Variants in MOBP observed in about 807,000 individuals in gnomAD.
MOBP encodes the protein myelin associated oligodendrocyte basic protein, also known as myelin-associated oligodendrocyte basic protein.
Under a neutral mutation model 15.0 loss-of-function variants are expected in MOBP, and 5 were observed. The ratio of observed to expected loss-of-function variants is 0.33; its 90% CI spans 0.17 to 0.70. MOBP has a LOEUF of 0.70. Ranked by LOEUF, MOBP falls within the 30% of genes least tolerant of loss-of-function variation. MOBP has a pLI of 0.67. For missense variants in MOBP, 188 were observed against 257.8 expected (o/e 0.73, Z 1.85); for synonymous variants, 88 against 99.0 (o/e 0.89, Z 0.66).
Position 39,485,128 on chromosome 3 carries a change from T to C in MOBP, c.-5+5005T>C, listed in dbSNP as rs1360591281. ...ATAAATATGTGTATGAAATTTTCCA[T>C]TACCTGGCACTGGTTTGTCACCAAC... On this transcript the variant is annotated intron_variant, in intron 2 of 3. Transcript: ENST00000684792. Among the ~76,000 whole-genome samples the C allele has an allele frequency of 2.0e-5, 3 of 152,248 alleles. No individual in the cohort carries two copies. In the East Asian group the frequency reaches 5.8e-4, roughly 29 times the overall value.
chr3:39,523,934 C>T (rs1220680725), intron 3 of MOBP, among the ~76,000 whole-genome samples: 5 of 152,178 alleles, frequency 3.3e-5, no homozygotes, highest in Admixed American at 6.5e-5. Context: ...CGCAATTGTA[C>T]AAACCGAGGG....
downstream of MOBP, chr3:39,524,914 G>A (rs1352106876): frequency 6.6e-6 from 1 of 151,994 alleles, no homozygotes; most frequent in East Asian, 1.9e-4. Flanking sequence ...AAATTTAGAG[G>A]ACAAAATAAG....
intron 1 of MOBP, among the ~76,000 whole-genome samples, chr3:39,479,621 C>A (rs994686886): frequency 5.9e-5 from 9 of 151,946 alleles, no homozygotes; most frequent in African/African-American, 1.5e-4. Flanking sequence ...GGAGGATATT[C>A]CTTAGGCTCC....
downstream of MOBP, among the ~76,000 whole-genome samples, chr3:39,520,418 T>A (rs1052716783): frequency 6.6e-6 from 1 of 152,176 alleles, no homozygotes; most frequent in Non-Finnish European, 1.5e-5. Flanking sequence ...CTTGTGACAC[T>A]TTTCCTCTTC....
chr3:39,488,251 T>C (rs1424578184), intron 2 of MOBP, among the ~76,000 whole-genome samples: 2 of 152,224 alleles, frequency 1.3e-5, no homozygotes, highest in African/African-American at 4.8e-5. Context: ...CCTTTCTCTC[T>C]TGTGATTTCT....
At chr3:39,516,171 A>G (rs1559429628), downstream of MOBP, among the ~76,000 whole-genome samples, 1 of 152,216 alleles carries the variant, frequency 6.6e-6, no homozygotes. Flanking sequence ...TTGCAATTGT[A>G]GATGCAATTT....
intron 1 of MOBP, among the ~76,000 whole-genome samples, chr3:39,469,100 ATG>A (rs761443550): frequency 0.046 from 2,263 of 49,544 alleles, 592 homozygotes; most frequent in Non-Finnish European, 0.05. Context: ...ATATATACAT[ATG>A]TGTGTGTATA....
At position 39,513,515 on chromosome 3, in the gene MOBP, A is replaced by C. The variant is rs981129376; in HGVS notation, c.*132A>C. On this transcript the variant is annotated 3_prime_UTR_variant, in exon 5 of 5. Transcript: ENST00000311042. ...CCCTGGATGAAGTTATCTGGCTTCA[A>C]ATATTATGCAGGGGCAAACACCTGC... 6 of 1,309,368 alleles carry C rather than the reference A, an allele frequency of 4.6e-6. No homozygotes were observed. In the Admixed American group the frequency reaches 1.1e-4, roughly 24 times the overall value. The allele number at this position is 1,309,368 out of a possible 1,614,324, so 81.1% of individuals were successfully genotyped here.
chr3:39,486,966 G>T (rs1289295963), intron 2 of MOBP, among the ~76,000 whole-genome samples: 3 of 150,188 alleles, frequency 2.0e-5, no homozygotes, highest in African/African-American at 4.9e-5. Context: ...TTAGAGACAG[G>T]GTCTGGCTTT....
In MOBP at chr3:39,467,694, C is replaced by T. The variant is rs2042363580; in HGVS notation, c.-135C>T. ...GAAGTAGGCTCAAACCCTCAGGGAC[C>T]TGGTATAGACGCAGAATCTGTTTCA... is the stretch of plus-strand genomic sequence containing the variant. On this transcript the variant is annotated 5_prime_UTR_variant, in exon 1 of 4. Transcript: ENST00000684792. The T allele has an allele frequency of 6.6e-6, 1 of 152,174 alleles. No individual in the cohort carries two copies. Among genetic ancestry groups the T allele is most frequent in the African/African-American group, 2.4e-5 (1 of 41,426 alleles). The allele number at this position is 152,174 out of a possible 1,614,324, so 9.4% of individuals were successfully genotyped here. A position where few individuals can be genotyped will look rare whatever the true frequency, so the allele number is the denominator to read the frequency against.
chr3:39,523,182 A>C (rs1294706384), intron 3 of MOBP, among the ~76,000 whole-genome samples: 1 of 152,188 alleles, frequency 6.6e-6, no homozygotes, highest in African/African-American at 2.4e-5. Context: ...ACAATCAACT[A>C]ATCAAAAATC....
intron 4 of MOBP, among the ~76,000 whole-genome samples, chr3:39,512,599 A>C (rs2043134057): frequency 6.6e-6 from 1 of 152,250 alleles, no homozygotes; most frequent in South Asian, 2.1e-4. Flanking sequence ...ATATCTGAGT[A>C]TAAATTTTAT....
At chr3:39,479,380 AATCTT>A (rs2042592712) in intron 1 of MOBP, among the ~76,000 whole-genome samples, 1 of 150,526 alleles carries the variant, frequency 6.6e-6, no homozygotes, top group Non-Finnish European at 1.5e-5. Flanking sequence ...GAATCTTTAT[AATCTT>A]ATAAGACCTT....
intron 1 of MOBP, among the ~76,000 whole-genome samples, chr3:39,479,040 A>G (rs866069352): frequency 6.6e-6 from 1 of 151,954 alleles, no homozygotes; most frequent in South Asian, 2.1e-4. Context: ...ATCTTGGTCA[A>G]GCTGGTCTCG....
chr3:39,520,616 A>G (rs1237554283), downstream of MOBP, among the ~76,000 whole-genome samples: 1 of 151,968 alleles, frequency 6.6e-6, no homozygotes, highest in Non-Finnish European at 1.5e-5. Flanking sequence ...GAGAAGAGAG[A>G]GACAGAGGAA....
intron 4 of MOBP, among the ~76,000 whole-genome samples, chr3:39,511,336 A>T (rs762302975): frequency 3.3e-5 from 5 of 152,206 alleles, no homozygotes; most frequent in Non-Finnish European, 7.3e-5. Context: ...ATGGCCCTGA[A>T]TTATCTGTTT....
intron 3 of MOBP, among the ~76,000 whole-genome samples, chr3:39,521,277 A>G (rs1480243274): frequency 1.3e-5 from 2 of 152,184 alleles, no homozygotes; most frequent in Non-Finnish European, 2.9e-5. Flanking sequence ...TAAACATTAA[A>G]GCCACCATTA....
Position 39,502,843 on chromosome 3 carries a change from G to T in MOBP, c.515G>T (p.Arg172Leu). 1 of 1,485,006 alleles carries T rather than the reference G, an allele frequency of 6.7e-7. No homozygotes were observed. Among genetic ancestry groups the T allele is most frequent in the Non-Finnish European group, 9.0e-7 (1 of 1,108,546 alleles). The allele number at this position is 1,485,006 out of a possible 1,614,324, so 92.0% of individuals were successfully genotyped here. The change falls in exon 4 of 4, where the codon CGT becomes CTT. Residue 172 changes from arginine (R) to leucine (L), a missense_variant. Arg to Leu is a moderately radical substitution (Grantham distance 102, BLOSUM62 -2). Coordinates refer to ENST00000684792, the MANE Select transcript of MOBP (RefSeq NM_001393704.1). This position sits in a 1 kb window ranked among gnomAD's most constrained non-coding sequence, Gnocchi z 6.3. Reference sequence around the variant, plus strand: ...CCCCTCAGAGGGCCAGGCGCCAGCCGTGGGGGGTCCCCCGTCAAAGCTTCT... The same window carrying T: ...CCCCTCAGAGGGCCAGGCGCCAGCCTTGGGGGGTCCCCCGTCAAAGCTTCT... Reference protein sequence around the residue: ...SSPLRGPGASRGGSPVKASRF... With the variant: ...SSPLRGPGASLGGSPVKASRF...
rs993238353 is a variant in MOBP at position 39,502,849 on chromosome 3, G to T, written c.521G>T (p.Gly174Val). The T allele has an allele frequency of 4.8e-6, 7 of 1,469,394 alleles. No individual in the cohort carries two copies. In the African/African-American group the frequency reaches 8.4e-5, roughly 18 times the overall value. 91.0% of individuals were successfully genotyped at this position (1,469,394 alleles called of 1,614,324 possible). Reference sequence around the variant, plus strand: ...AGAGGGCCAGGCGCCAGCCGTGGGGGGTCCCCCGTCAAAGCTTCTAGGTTC... The same window carrying T: ...AGAGGGCCAGGCGCCAGCCGTGGGGTGTCCCCCGTCAAAGCTTCTAGGTTC... Reference protein sequence around the residue: ...PLRGPGASRGGSPVKASRFW With the variant: ...PLRGPGASRGVSPVKASRFW The change falls in exon 4 of 4, where the codon GGG (glycine) becomes GTG (valine). Residue 174 changes from glycine (G) to valine (V), a missense_variant. Gly to Val is a moderately radical substitution (Grantham distance 109). This residue lies in a region of MOBP where 55 missense variants were observed against 45.2 expected (regional missense o/e 1.22). Transcript: ENST00000684792. The surrounding 1 kb of genome is among the most constrained non-coding windows in gnomAD (Gnocchi z 6.3).
Sources: gnomAD v4.1 joint callset for allele counts (sites outside exome capture counted in the v4.1 genomes callset) on GRCh38, gnomAD v4.1.1 for gene constraint, gnomAD v4.1.1 regional missense constraint, Gnocchi (gnomAD v3.1) non-coding constraint, MANE v1.5 for transcripts, NCBI Gene and HGNC (gene_info 2026-07-23, HGNC 2026-07-21) for gene names.